Variants in PLPP4 observed in about 807,000 individuals in gnomAD.
PLPP4 encodes the protein diacylglycerol pyrophosphate like 2.
In PLPP4, 20 loss-of-function variants were observed where a neutral mutation model predicts 32.2. The observed-to-expected ratio is 0.62, with a 90% CI of 0.44 to 0.90. The LOEUF is 0.90. PLPP4 is among the 40% of genes least tolerant of loss of function. The pLI is 0.00. For missense variants in PLPP4, 257 were observed against 353.1 expected (o/e 0.73, Z 2.18); for synonymous variants, 127 against 133.0 (o/e 0.95, Z 0.31).
intron 5 of PLPP4, among the ~76,000 whole-genome samples, chr10:120,551,023 A>G (rs544043731): frequency 1.6e-4 from 24 of 152,270 alleles, no homozygotes; most frequent in African/African-American, 5.5e-4. Context: ...TCATATCCAC[A>G]ATATATAAAG....
At chr10:120,472,737 T>C (rs1233826527) in intron 1 of PLPP4, among the ~76,000 whole-genome samples, 2 of 152,132 alleles carry the variant, frequency 1.3e-5, no homozygotes, top group African/African-American at 4.8e-5. Context: ...ATTAGACAGT[T>C]TGATAATGTC....
intron 1 of PLPP4, among the ~76,000 whole-genome samples, chr10:120,500,942 A>C (rs1845218858): frequency 6.6e-6 from 1 of 152,184 alleles, no homozygotes; most frequent in African/African-American, 2.4e-5. Flanking sequence ...ATAACACAGC[A>C]ACTAGTCATC....
At chr10:120,518,582 A>G (rs531987635) in intron 3 of PLPP4, among the ~76,000 whole-genome samples, 3 of 152,358 alleles carry the variant, frequency 2.0e-5, no homozygotes, top group Admixed American at 6.5e-5. Context: ...TGAAAATTTC[A>G]GTCAAGGAGG....
chr10:120,577,070 T>C (rs370859828), intron 6 of PLPP4, among the ~76,000 whole-genome samples: 2 of 152,246 alleles, frequency 1.3e-5, no homozygotes, highest in East Asian at 3.8e-4. Flanking sequence ...GATCCAAATG[T>C]TCTTTGTAAA....
chr10:120,510,775 G>T (rs1845694732), intron 2 of PLPP4, among the ~76,000 whole-genome samples: 1 of 152,170 alleles, frequency 6.6e-6, no homozygotes, highest in Admixed American at 6.5e-5. Flanking sequence ...AAATGTTTGT[G>T]TACAAGGGGG....
chr10:120,461,563 G>T (rs192981257), intron 1 of PLPP4, among the ~76,000 whole-genome samples: 1 of 152,196 alleles, frequency 6.6e-6, no homozygotes, highest in Admixed American at 6.5e-5. Flanking sequence ...GGGTGCACAG[G>T]TAATGGTGTT....
intron 5 of PLPP4, among the ~76,000 whole-genome samples, chr10:120,563,058 G>A (rs1169977184): frequency 2.0e-5 from 3 of 152,140 alleles, no homozygotes; most frequent in Non-Finnish European, 4.4e-5. Flanking sequence ...TGGCCAAATG[G>A]AGAAACCCCA....
rs973633224 is a variant in PLPP4 at position 120,503,470 on chromosome 10, T to C, written c.57-348T>C. 8 of 1,453,362 alleles carry C rather than the reference T, an allele frequency of 5.5e-6. No individual in the cohort carries two copies. In the African/African-American group the frequency reaches 1.1e-4, roughly 20 times the overall value. The allele number at this position is 1,453,362 out of a possible 1,614,324, so 90.0% of individuals were successfully genotyped here. On this transcript the variant is annotated intron_variant, in intron 1 of 6. Coordinates refer to ENST00000398250, the MANE Select transcript of PLPP4 (RefSeq NM_001030059.3). ...GTTCCACCTCAAACCCATTTTGTTT[T>C]CAAGAGACCATGCTGCTGCCCTGGC...
intron 1 of PLPP4, among the ~76,000 whole-genome samples, chr10:120,476,799 A>G (rs1172310175): frequency 6.6e-6 from 1 of 152,208 alleles, no homozygotes; most frequent in East Asian, 1.9e-4. Context: ...TTCTCAGGGC[A>G]CAAATGCTAG....
chr10:120,477,042 T>A (rs529682628), intron 1 of PLPP4, among the ~76,000 whole-genome samples: 53 of 152,206 alleles, frequency 3.5e-4, no homozygotes, highest in African/African-American at 1.3e-3. Flanking sequence ...GCTTCTTTCT[T>A]AAATCCAGTC....
intron 5 of PLPP4, among the ~76,000 whole-genome samples, chr10:120,546,059 G>A (rs187247828): frequency 8.0e-4 from 122 of 152,210 alleles, no homozygotes; most frequent in African/African-American, 2.9e-3. Flanking sequence ...GTTTGCCAGG[G>A]GCTCTCGGGC....
chr10:120,552,789 T>A (rs929425229), intron 5 of PLPP4, among the ~76,000 whole-genome samples: 3 of 152,230 alleles, frequency 2.0e-5, no homozygotes, highest in African/African-American at 7.2e-5. Context: ...TATAGACTTG[T>A]ATCAGTGATT....
intron 5 of PLPP4, among the ~76,000 whole-genome samples, chr10:120,568,444 C>T (rs1297961018): frequency 6.6e-6 from 1 of 152,200 alleles, no homozygotes; most frequent in Non-Finnish European, 1.5e-5. Flanking sequence ...AACCTAAGGG[C>T]TTCTCCTGAA....
rs1047369 is a variant in PLPP4, at chr10:120,589,457, C to T, written c.771C>T (p.Ser257=). ...LKKEERPTAD[S]APSLPLEGIT... ...AAGAGGAGAGGCCCACAGCTGACAGCGCACCCAGCTTGCCTCTGGAGGGGA... is the reference window on the plus strand; with the variant it reads ...AAGAGGAGAGGCCCACAGCTGACAGTGCACCCAGCTTGCCTCTGGAGGGGA... Residue 257 remains serine (S), a synonymous_variant, in exon 7 of 7, where the codon AGC becomes AGT. Transcript: ENST00000398250. 0.23 allele frequency: 365,337 copies of T among 1,613,724 alleles called. 42,972 individuals carry two copies. Among genetic ancestry groups the T allele is most frequent in the South Asian group, 0.25 (22,910 of 91,058 alleles).
At chr10:120,550,222 T>C (rs756934131) in intron 5 of PLPP4, among the ~76,000 whole-genome samples, 1 of 151,944 alleles carries the variant, frequency 6.6e-6, no homozygotes, top group Non-Finnish European at 1.5e-5. Flanking sequence ...TATAGGTACT[T>C]AGGAATTAAT....
At chr10:120,478,997 T>C (rs903665676) in intron 1 of PLPP4, among the ~76,000 whole-genome samples, 16 of 152,126 alleles carry the variant, frequency 1.1e-4, no homozygotes, top group Admixed American at 5.2e-4. Flanking sequence ...GAGGCCAAGG[T>C]GGGCAGATCA....
chr10:120,580,853 TC>T, intron 6 of PLPP4: 1 of 1,283,152 alleles, frequency 7.8e-7, no homozygotes, highest in African/African-American at 1.5e-5. Flanking sequence ...CCCTCTAATA[TC>T]CTCAGCCCAA....
intron 1 of PLPP4, among the ~76,000 whole-genome samples, chr10:120,478,846 TA>T (rs1175869554): frequency 4.6e-5 from 7 of 152,220 alleles, no homozygotes; most frequent in Non-Finnish European, 8.8e-5. Flanking sequence ...TTGATGTAGT[TA>T]ACACCATGAT....
At position 120,491,509 on chromosome 10, in the gene PLPP4, TC is replaced by T. The variant is rs1844722518; in HGVS notation, c.57-12308del. ...TCCTATCCTGCCCTTCCTTTTACTTTCTAATTTTTCTCATTATTCTTCCCAT... is the reference window on the plus strand; with the variant it reads ...TCCTATCCTGCCCTTCCTTTTACTTTTAATTTTTCTCATTATTCTTCCCAT... On this transcript the variant is annotated intron_variant, in intron 1 of 6. Coordinates refer to ENST00000398250, the MANE Select transcript of PLPP4 (RefSeq NM_001030059.3). 7.9e-5 allele frequency among the ~76,000 whole-genome samples: 12 copies of T among 151,852 alleles called. No homozygotes were observed. In the South Asian group the frequency reaches 2.3e-3, roughly 29 times the overall value.
Sources: allele counts gnomAD v4.1 joint callset (sites outside exome capture counted in the v4.1 genomes callset), GRCh38; gene constraint gnomAD v4.1.1; transcripts MANE v1.5; gene names NCBI Gene and HGNC (gene_info 2026-07-23, HGNC 2026-07-21).